The following TGFBR1 variants were observed in gnomAD, a reference collection of about 807,000 sequenced individuals.
TGFBR1 encodes transforming growth factor beta receptor 1.
A neutral mutation model predicts 55.1 loss-of-function variants in TGFBR1; 20 were observed. The ratio of observed to expected loss-of-function variants is 0.36; its 90% CI spans 0.26 to 0.53. TGFBR1 has a LOEUF of 0.53. TGFBR1 is among the 20% of genes least tolerant of loss of function. The pLI, the probability that TGFBR1 is intolerant of heterozygous loss-of-function variation, is 0.91. For missense variants in TGFBR1, 385 were observed against 617.6 expected, an observed-to-expected ratio of 0.62 and a Z score of 3.99; for synonymous variants, 220 against 214.8, an observed-to-expected ratio of 1.02 and a Z score of -0.21.
chr9:99,109,566 A>G (rs375596084), intron 1 of TGFBR1, among the ~76,000 whole-genome samples: 1 of 152,206 alleles, frequency 6.6e-6, no homozygotes, highest in Non-Finnish European at 1.5e-5. Context: ...AAATATGTTC[A>G]TGTGTAATAA....
intron 2 of TGFBR1, among the ~76,000 whole-genome samples, chr9:99,130,245 G>A (rs1381988141): frequency 6.6e-6 from 1 of 152,172 alleles, no homozygotes; most frequent in Non-Finnish European, 1.5e-5. Flanking sequence ...GATTTGGGGG[G>A]TGAGGTTAGG....
chr9:99,120,301 A>G (rs2118439041), intron 1 of TGFBR1, among the ~76,000 whole-genome samples: 1 of 152,350 alleles, frequency 6.6e-6, no homozygotes, highest in Non-Finnish European at 1.5e-5. Flanking sequence ...AAAATCTAAT[A>G]AGAAACTGTG....
At chr9:99,117,253 A>ATT (rs34711337) in intron 1 of TGFBR1, among the ~76,000 whole-genome samples, 5,162 of 135,406 alleles carry the variant, frequency 0.038, 461 homozygotes, top group East Asian at 0.37. Context: ...ACGCCTGGCT[A>ATT]TTTTTTTTTT....
At chr9:99,114,773 T>C (rs1826685758) in intron 1 of TGFBR1, among the ~76,000 whole-genome samples, 1 of 152,222 alleles carries the variant, frequency 6.6e-6, no homozygotes, top group Admixed American at 6.5e-5. Context: ...TTTTGGTGTG[T>C]CTCCATTTGA....
chr9:99,130,589 C>T lies in TGFBR1; in HGVS notation c.343+1489C>T, dbSNP rs144663911. 1.9e-4 allele frequency among the ~76,000 whole-genome samples: 29 copies of T among 152,312 alleles called. No individual in the cohort carries two copies. In the East Asian group the frequency reaches 5.4e-3, roughly 28 times the overall value. ...AATATCTGAATAGATATTTACAAAACCTTGTGAAGAAGTCACCTTATTTCT... is the reference window on the plus strand; with the variant it reads ...AATATCTGAATAGATATTTACAAAATCTTGTGAAGAAGTCACCTTATTTCT... On this transcript the variant is annotated intron_variant, in intron 2 of 8. Transcript: ENST00000374994.
intron 1 of TGFBR1, among the ~76,000 whole-genome samples, chr9:99,109,413 TA>T (rs929851921): frequency 1.3e-5 from 2 of 152,052 alleles, no homozygotes; most frequent in African/African-American, 4.8e-5. Context: ...GGAATTGACA[TA>T]AAAATAATCA....
At chr9:99,122,758 T>C (rs1248663058) in intron 1 of TGFBR1, among the ~76,000 whole-genome samples, 2 of 152,184 alleles carry the variant, frequency 1.3e-5, no homozygotes, top group African/African-American at 2.4e-5. Context: ...CTTTTCCTTT[T>C]AGTGCTGAAT....
intron 1 of TGFBR1, among the ~76,000 whole-genome samples, chr9:99,109,770 T>C (rs1478822050): frequency 6.6e-6 from 1 of 152,210 alleles, no homozygotes; most frequent in African/African-American, 2.4e-5. Flanking sequence ...TTGGGTCACA[T>C]CTTTGCTTCC....
chr9:99,111,880 C>T (rs978598116), intron 1 of TGFBR1, among the ~76,000 whole-genome samples: 1 of 152,104 alleles, frequency 6.6e-6, no homozygotes, highest in Non-Finnish European at 1.5e-5. Flanking sequence ...GGAAATATGA[C>T]TACAGACTCA....
intron 1 of TGFBR1, among the ~76,000 whole-genome samples, chr9:99,117,532 T>G (rs550749504): frequency 1.3e-5 from 2 of 152,342 alleles, no homozygotes; most frequent in South Asian, 2.1e-4. Context: ...GAGTTGGTTA[T>G]TTATTATGGT....
At chr9:99,132,989 GCGTTCTC>G (rs1827293913) in intron 3 of TGFBR1, among the ~76,000 whole-genome samples, 1 of 152,164 alleles carries the variant, frequency 6.6e-6, no homozygotes, top group Non-Finnish European at 1.5e-5. Context: ...AAATTTCAAA[GCGTTCTC>G]ACTTGTATAA....
chr9:99,138,543 G>A (rs113382690), intron 4 of TGFBR1, among the ~76,000 whole-genome samples: 3 of 152,286 alleles, frequency 2.0e-5, no homozygotes, highest in African/African-American at 7.2e-5. Context: ...TCAGTGTTCT[G>A]AGTTGCCAAG....
intron 8 of TGFBR1, among the ~76,000 whole-genome samples, chr9:99,148,559 C>T (rs1264332623): frequency 6.6e-6 from 1 of 152,188 alleles, no homozygotes. Flanking sequence ...TTGTAGGACT[C>T]AGCAGAACCT....
chr9:99,140,876 G>C (rs974064887), intron 4 of TGFBR1, among the ~76,000 whole-genome samples: 2 of 152,140 alleles, frequency 1.3e-5, no homozygotes, highest in African/African-American at 4.8e-5. Context: ...TCTGTGCCCT[G>C]AACTTCTAAC....
rs999662368 is a variant in TGFBR1 at position 99,151,298 on chromosome 9, A to T, written c.*1993A>T. The T allele has an allele frequency of 4.4e-6, 1 of 229,650 alleles. No homozygotes were observed. The highest frequency in any genetic ancestry group is 5.7e-5 in the Admixed American group (1 of 17,660). The allele number at this position is 229,650 out of a possible 1,614,324, so 14.2% of individuals were successfully genotyped here. ...ATAATTTCATTGAAGCAAATGAATGAGTTTGAGAGGTTTGTTTTTATAGTT... is the reference window on the plus strand; with the variant it reads ...ATAATTTCATTGAAGCAAATGAATGTGTTTGAGAGGTTTGTTTTTATAGTT... On this transcript the variant is annotated 3_prime_UTR_variant, in exon 9 of 9. Transcript: ENST00000374994.
intron 1 of TGFBR1, among the ~76,000 whole-genome samples, chr9:99,108,790 A>G (rs1053579528): frequency 3.3e-5 from 5 of 152,182 alleles, no homozygotes; most frequent in Admixed American, 6.5e-5. Context: ...TTTTTCCCCA[A>G]TCCTAAAAGC....
chr9:99,127,993 A>G (rs1206442956), intron 1 of TGFBR1: 1 of 455,944 alleles, frequency 2.2e-6, no homozygotes, highest in Non-Finnish European at 4.4e-6. Context: ...AAACAAAACT[A>G]GCAATTCTGG....
Position 99,132,588 on chromosome 9 carries a change from C to T in TGFBR1, c.423C>T (p.Leu141=). ...CAGTGTGCTTCGTCTGCATCTCACT[C>T]ATGTTGATGGTCTATATCTGCCACA... ...AGPVCFVCIS[L]MLMVYICHNR... The change falls in exon 3 of 9, where the codon CTC becomes CTT. Residue 141 remains leucine (L), a synonymous_variant. Transcript: ENST00000374994. The T allele has an allele frequency of 6.2e-7, 1 of 1,614,208 alleles. No individual in the cohort carries two copies. The highest frequency in any genetic ancestry group is 8.5e-7 in the Non-Finnish European group (1 of 1,180,036).
At chr9:99,121,078 TTAAATGA>T (rs1588569071) in intron 1 of TGFBR1, among the ~76,000 whole-genome samples, 1 of 152,182 alleles carries the variant, frequency 6.6e-6, no homozygotes, top group Admixed American at 6.6e-5. Context: ...GTGATGTGGG[TTAAATGA>T]TAAACAATGC....
Sources: allele counts gnomAD v4.1 joint callset (sites outside exome capture counted in the v4.1 genomes callset), GRCh38; gene constraint gnomAD v4.1.1; transcripts MANE v1.5; gene names NCBI Gene and HGNC (gene_info 2026-07-23, HGNC 2026-07-21).